PRCC: variants seen among roughly 807,000 people sequenced by gnomAD.
The protein encoded by PRCC is proline rich mitotic checkpoint control factor, also known as proline-rich protein PRCC.
A neutral mutation model predicts 44.0 loss-of-function variants in PRCC; 10 were observed. That is an observed-to-expected ratio of 0.23 (90% CI 0.14 to 0.39). The LOEUF is 0.39. Among genes scored for constraint, PRCC ranks in the 10% least tolerant of loss-of-function variants. The pLI, the probability that PRCC is intolerant of heterozygous loss-of-function variation, is 1.00. For synonymous variants in PRCC, 278 were observed against 259.5 expected (o/e 1.07, Z -0.69); for missense variants, 573 against 624.7 (o/e 0.92, Z 0.88).
Position 156,800,483 on chromosome 1 carries a change from A to G in PRCC, c.*23A>G. 6.2e-7 allele frequency: 1 copy of G among 1,613,316 alleles called. No homozygotes were observed. Among genetic ancestry groups the G allele is most frequent in the Non-Finnish European group, 8.5e-7 (1 of 1,179,324 alleles). ...TAGGGCTCTGGAACTGATTGCTCCC[A>G]GGATCTCCTGCCAGCCCAGCTGGCC... On this transcript the variant is annotated 3_prime_UTR_variant, in exon 7 of 7. Transcript: ENST00000271526.
At chr1:156,794,061 G>A (rs1262796597) in intron 4 of PRCC, among the ~76,000 whole-genome samples, 1 of 147,416 alleles carries the variant, frequency 6.8e-6, no homozygotes, top group Non-Finnish European at 1.5e-5. Flanking sequence ...GGTTTCAAGC[G>A]ATTCTCCTGA....
rs376151985 is a variant in PRCC at position 156,786,658 on chromosome 1, C to T, written c.567C>T (p.Asn189=). 22 of 1,614,036 alleles carry T rather than the reference C, an allele frequency of 1.4e-5. No homozygotes were observed. Among genetic ancestry groups the T allele is most frequent in the Non-Finnish European group, 1.8e-5 (21 of 1,180,010 alleles). ...CTGCCTTGCTTCCCCAACCTAAAAA[C>T]CTGACTGTGAAAGAGACTAACAGGT... The part of the protein sequence containing the change: ...GLSALLPQPK[N]LTVKETNRLL... The change falls in exon 3 of 7, where the codon AAC becomes AAT. Residue 189 remains asparagine (N), a synonymous_variant. Transcript: ENST00000271526.
intron 3 of PRCC, among the ~76,000 whole-genome samples, chr1:156,789,977 C>T (rs1652418340): frequency 6.6e-6 from 1 of 152,204 alleles, no homozygotes; most frequent in Non-Finnish European, 1.5e-5. Context: ...CAGAGCTTCT[C>T]AAGATGTAGA....
chr1:156,786,684 T>C lies in PRCC; in HGVS notation c.593T>C (p.Leu198Ser), dbSNP rs1652254440. The C allele has an allele frequency of 6.2e-7, 1 of 1,614,076 alleles. No homozygotes were observed. The highest frequency in any genetic ancestry group is 8.5e-7 in the Non-Finnish European group (1 of 1,180,044). The change falls in exon 3 of 7, where the codon TTG (leucine) becomes TCG (serine). Residue 198 changes from leucine (L) to serine (S), a missense_variant. This residue lies in a region of PRCC where 118 missense variants were observed against 166.7 expected (regional missense o/e 0.71). Transcript: ENST00000271526. ...CTGACTGTGAAAGAGACTAACAGGT[T>C]GCTCCTGCCCCATGCCTTCTCCCGC... ...KNLTVKETNR[L>S]LLPHAFSRKP...
rs1651481317 is a variant in PRCC at position 156,768,097 on chromosome 1, G to A, written c.326G>A (p.Gly109Glu). The change falls in exon 1 of 7, where the codon GGA becomes GAA. Residue 109 changes from glycine (G) to glutamate (E), a missense_variant. Physicochemically the swap from Gly to Glu is moderately conservative, Grantham distance 98. Coordinates refer to ENST00000271526, the MANE Select transcript of PRCC (RefSeq NM_005973.5). ...AEAAGVGEGLGLGLPSPRGPG... is the reference protein window; with the variant it reads ...AEAAGVGEGLELGLPSPRGPG... ...GCGGCGGGAGTTGGGGAGGGACTGGGATTGGGGTTGCCCTCGCCCCGAGGC... is the reference window on the plus strand; with the variant it reads ...GCGGCGGGAGTTGGGGAGGGACTGGAATTGGGGTTGCCCTCGCCCCGAGGC... 1 of 1,587,338 alleles carries A rather than the reference G, an allele frequency of 6.3e-7. No individual in the cohort carries two copies. Among genetic ancestry groups the A allele is most frequent in the Non-Finnish European group, 8.6e-7 (1 of 1,166,802 alleles).
intron 4 of PRCC, among the ~76,000 whole-genome samples, chr1:156,793,907 G>A (rs533854893): frequency 1.2e-4 from 18 of 150,398 alleles, no homozygotes; most frequent in Admixed American, 1.2e-3. Flanking sequence ...TATTATAGAT[G>A]TGAGTCACCC....
intron 3 of PRCC, among the ~76,000 whole-genome samples, chr1:156,790,013 G>T (rs549147806): frequency 6.6e-6 from 1 of 152,214 alleles, no homozygotes; most frequent in Non-Finnish European, 1.5e-5. Flanking sequence ...GGAGTTGGGG[G>T]ACCTGGCACC....
At chr1:156,788,703 C>T (rs1274088094) in intron 3 of PRCC, among the ~76,000 whole-genome samples, 1 of 149,736 alleles carries the variant, frequency 6.7e-6, no homozygotes, top group African/African-American at 2.5e-5. Context: ...CGCTCTGTCG[C>T]CCAGGCTGGA....
chr1:156,799,910 A>G lies in PRCC; in HGVS notation c.1390-464A>G, dbSNP rs114375812. ...ACACACTGTATTCAACACAACTGCA[A>G]AACTGTATCTCCAGGCTAAGCAATT... On this transcript the variant is annotated intron_variant, in intron 6 of 6. Transcript: ENST00000271526. Among the ~76,000 whole-genome samples the G allele has an allele frequency of 5.2e-3, 783 of 149,660 alleles. 4 individuals are homozygous for G. Among genetic ancestry groups the G allele is most frequent in the Middle Eastern group, 0.01 (3 of 290 alleles).
At position 156,789,188 on chromosome 1, in the gene PRCC, T is replaced by A. The variant is rs539740222; in HGVS notation, c.1083+2014T>A. Among the ~76,000 whole-genome samples the A allele has an allele frequency of 2.6e-5, 4 of 152,356 alleles. No individual in the cohort carries two copies. The East Asian group carries it at 7.7e-4, about 29-fold the overall frequency. ...TTTCACCATGTTGGTCAGGCTGGTC[T>A]GGAACTCCTGATCTCAGGTGATCTG... On this transcript the variant is annotated intron_variant, in intron 3 of 6. Transcript: ENST00000271526.
At chr1:156,768,451 G>T (rs1651501840) in intron 1 of PRCC, among the ~76,000 whole-genome samples, 1 of 152,228 alleles carries the variant, frequency 6.6e-6, no homozygotes, top group Non-Finnish European at 1.5e-5. Flanking sequence ...AGCTGGGCTT[G>T]CCTGCAGAAG....
chr1:156,799,638 T>G (rs765928550), intron 6 of PRCC, among the ~76,000 whole-genome samples: 3 of 151,916 alleles, frequency 2.0e-5, no homozygotes, highest in African/African-American at 7.3e-5. Flanking sequence ...GGGAAAGGAT[T>G]TGAGAGTAGG....
At chr1:156,789,509 TAAG>T (rs1420666093) in intron 3 of PRCC, among the ~76,000 whole-genome samples, 1 of 152,148 alleles carries the variant, frequency 6.6e-6, no homozygotes, top group Non-Finnish European at 1.5e-5. Flanking sequence ...GCAGTTAGTT[TAAG>T]AAGAGTTTCT....
At chr1:156,768,305 G>A in intron 1 of PRCC, 66 bp downstream of exon 1, 1 of 1,470,722 alleles carries the variant, frequency 6.8e-7, no homozygotes. Flanking sequence ...GGAGGGACAT[G>A]TGGAGATTTC....
rs141949615 is a variant in PRCC at position 156,786,973 on chromosome 1, C to G, written c.882C>G (p.Pro294=). 1.2e-6 allele frequency: 2 copies of G among 1,614,110 alleles called. No homozygotes were observed. The highest frequency in any genetic ancestry group is 1.3e-5 in the African/African-American group (1 of 74,938). Residue 294 remains proline (P), a synonymous_variant, in exon 3 of 7, where the codon CCC becomes CCG. Transcript: ENST00000271526. ...CTGGAGTTGAGCCATACCCTTACCC[C>G]ATCCCCACTGTCCCTGAAGAGCTGC... ...EPPGVEPYPY[P]IPTVPEELPP...
intron 4 of PRCC, among the ~76,000 whole-genome samples, chr1:156,792,214 G>T (rs1652512363): frequency 1.3e-5 from 2 of 151,666 alleles, no homozygotes; most frequent in South Asian, 2.1e-4. Context: ...GTCTCTTTCT[G>T]ATCATCGCTT....
At chr1:156,787,682 C>T (rs1441559604) in intron 3 of PRCC, among the ~76,000 whole-genome samples, 1 of 53,124 alleles carries the variant, frequency 1.9e-5, no homozygotes, top group Non-Finnish European at 3.3e-5. Flanking sequence ...AGGAATCTCA[C>T]TCTGTTGCCC....
At chr1:156,785,291 C>T (rs1356809303) in intron 2 of PRCC, among the ~76,000 whole-genome samples, 4 of 152,000 alleles carry the variant, frequency 2.6e-5, no homozygotes, top group African/African-American at 7.3e-5. Flanking sequence ...GTGGGTGGAT[C>T]ATAAGGTCAG....
At chr1:156,781,840 G>A (rs1390319703) in intron 1 of PRCC, among the ~76,000 whole-genome samples, 1 of 152,240 alleles carries the variant, frequency 6.6e-6, no homozygotes, top group Non-Finnish European at 1.5e-5. Flanking sequence ...TTGTGGTTAT[G>A]TAGTCTATAT....
Sources: gnomAD v4.1 joint callset for allele counts (sites outside exome capture counted in the v4.1 genomes callset) on GRCh38, gnomAD v4.1.1 for gene constraint, gnomAD v4.1.1 regional missense constraint, MANE v1.5 for transcripts, NCBI Gene and HGNC (gene_info 2026-07-23, HGNC 2026-07-21) for gene names.